NEB: variants seen among roughly 807,000 people sequenced by gnomAD.
NEB encodes the protein nebulin, also known as nemaline myopathy type 2.
In NEB, 512 loss-of-function variants were observed where a neutral mutation model predicts 952.2. The observed-to-expected ratio is 0.54, with a 90% confidence interval of 0.50 to 0.58. The LOEUF (loss-of-function observed/expected upper bound fraction) is 0.58. NEB is among the 20% of genes least tolerant of loss of function. NEB has a pLI of 0.00. For synonymous variants in NEB, 2,900 were observed against 3,149.8 expected, an observed-to-expected ratio of 0.92 and a Z score of 2.66; for missense variants, 8,428 against 9,231.1, an observed-to-expected ratio of 0.91 and a Z score of 3.56.
chr2:151,611,102 T>C (rs560873675), intron 78 of NEB, among the ~76,000 whole-genome samples: 2 of 152,310 alleles, frequency 1.3e-5, no homozygotes, highest in South Asian at 4.1e-4. Context: ...AATATAATGG[T>C]TGCTATTAGT....
rs2099216842 is a variant in NEB at position 151,666,376 on chromosome 2, T to A, written c.4745A>T (p.Lys1582Ile). ...SDCKYKEAYE[K>I]AKGKQVGFLS... ...AAATCCAACTTGCTTGCCTTTGGCT[T>A]TCTCGTAGGCCTCCTTATATTTGCA... is the stretch of plus-strand genomic sequence containing the variant. Residue 1582 changes from lysine to isoleucine, a missense_variant, in exon 41 of 182, where the codon AAA becomes ATA. Around this residue, in one of 11 missense-constraint regions of NEB, gnomAD observed 2,851 missense variants for 2,791.5 expected, o/e 1.02. Coordinates refer to ENST00000397345, the MANE Select transcript of NEB (RefSeq NM_001164508.2). The A allele has an allele frequency of 6.2e-7, 1 of 1,613,676 alleles. No individual in the cohort carries two copies. Among genetic ancestry groups the A allele is most frequent in the African/African-American group, 1.3e-5 (1 of 74,918 alleles).
At chr2:151,517,467 G>A (rs986553066) in intron 156 of NEB, among the ~76,000 whole-genome samples, 1 of 152,214 alleles carries the variant, frequency 6.6e-6, no homozygotes, top group Non-Finnish European at 1.5e-5. Context: ...TGTGATATAG[G>A]AGGTCATGTG....
At chr2:151,682,589 C>T in intron 29 of NEB, 73 bp downstream of exon 29, 2 of 1,204,796 alleles carry the variant, frequency 1.7e-6, no homozygotes, top group Non-Finnish European at 2.4e-6. Context: ...AATGAAGGAG[C>T]ACTGCCCATG....
chr2:151,688,178 G>T lies in NEB; in HGVS notation c.2415+114C>A. The T allele has an allele frequency of 1.1e-5, 9 of 834,950 alleles. No individual in the cohort carries two copies. In the South Asian group the frequency reaches 1.7e-4, roughly 16 times the overall value. The allele number at this position is 834,950 out of a possible 1,614,324, so 51.7% of individuals were successfully genotyped here. ...TGGCCTTAAAAGCTCCACTTACAAA[G>T]TAACCATCTTAAAGTTGTTTATTTG... On this transcript the variant is annotated intron_variant, in intron 25 of 181. Coordinates refer to ENST00000397345, the MANE Select transcript of NEB (RefSeq NM_001164508.2).
rs2086545410 is a variant in NEB, at chr2:151,527,020, A to G, written c.21843T>C (p.Phe7281=). 2 of 1,584,232 alleles carry G rather than the reference A, an allele frequency of 1.3e-6. No homozygotes were observed. Among genetic ancestry groups the G allele is most frequent in the East Asian group, 4.5e-5 (2 of 44,132 alleles). The change falls in exon 148 of 182, where the codon TTT becomes TTC. Residue 7281 remains phenylalanine (F), a splice_region_variant and synonymous_variant. Coordinates refer to ENST00000397345, the MANE Select transcript of NEB (RefSeq NM_001164508.2). ...GGAACTCCCGGTCCAGCTTATATTC[A>G]AACTGTGATAGAAGAAAGGCAGAAG... ...AAKSSLQQSD[F]EYKLDREFLK...
At chr2:151,687,020 G>A (rs1204145139) in intron 27 of NEB, among the ~76,000 whole-genome samples, 6 of 151,974 alleles carry the variant, frequency 3.9e-5, no homozygotes, top group Non-Finnish European at 7.4e-5. Context: ...AATGAAGAAC[G>A]ATACTCTATT....
At chr2:151,509,916 T>C (rs2072729016) in intron 161 of NEB, among the ~76,000 whole-genome samples, 1 of 152,200 alleles carries the variant, frequency 6.6e-6, no homozygotes, top group Non-Finnish European at 1.5e-5. Context: ...CCAAGAGTTT[T>C]TATTTCTGTA....
Position 151,490,480 on chromosome 2 carries a change from C to A in NEB, c.25189G>T (p.Ala8397Ser). 1 of 1,609,078 alleles carries A rather than the reference C, an allele frequency of 6.2e-7. No homozygotes were observed. Among genetic ancestry groups the A allele is most frequent in the Non-Finnish European group, 8.5e-7 (1 of 1,177,796 alleles). The change falls in exon 180 of 182, where the codon GCC (alanine) becomes TCC (serine). Residue 8397 changes from alanine (A) to serine (S), a missense_variant. This residue lies in a region of NEB where 3,374 missense variants were observed against 3,651.5 expected (regional missense o/e 0.92). Transcript: ENST00000397345. ...QRRSREQSRS[A>S]SALSISGGEE... ...CCCCCACTGATGCTTAGTGCACTGG[C>A]AGATCGTGACTGCTCCCGGCTCCGG...
rs1559689542 is a variant in NEB, at chr2:151,727,896, T to C, written c.89A>G (p.Lys30Arg). Reference sequence around the variant, plus strand: ...CCTTGTTGTCGTAGTCTCATAAATTTTTGTTATTGTCTGAAAATTTGATAT... The same window carrying C: ...CCTTGTTGTCGTAGTCTCATAAATTCTTGTTATTGTCTGAAAATTTGATAT... Reference protein sequence around the residue: ...YEEVPGETITKIYETTTTRTS... With the variant: ...YEEVPGETITRIYETTTTRTS... Residue 30 changes from lysine to arginine, a missense_variant, in exon 5 of 182, where the codon AAA becomes AGA. Transcript: ENST00000397345. 6.2e-7 allele frequency: 1 copy of C among 1,612,852 alleles called. No individual in the cohort carries two copies. The highest frequency in any genetic ancestry group is 8.5e-7 in the Non-Finnish European group (1 of 1,179,468).
At chr2:151,617,244 C>G (rs551276462) in intron 75 of NEB, 120 bp downstream of exon 75, 1 of 601,170 alleles carries the variant, frequency 1.7e-6, no homozygotes, top group Non-Finnish European at 2.8e-6. Context: ...ACTATCTCTT[C>G]TACTGAAAAT....
At chr2:151,635,707 C>CAAAAAA (rs1292764660) in intron 64 of NEB, among the ~76,000 whole-genome samples, 60 of 86,006 alleles carry the variant, frequency 7.0e-4, no homozygotes, top group African/African-American at 2.2e-3. Flanking sequence ...ACTCTGTCTC[C>CAAAAAA]AAAAAAAAAA....
chr2:151,489,851 G>C lies in NEB; in HGVS notation c.25404+120C>G, dbSNP rs929234690. ...CATTAATATGAAACATGTAATAAAA[G>C]AGCATTATATAAAATAGAAGGTTTG... On this transcript the variant is annotated intron_variant, in intron 181 of 181. Transcript: ENST00000397345. The C allele has an allele frequency of 5.1e-6, 3 of 592,354 alleles. No individual in the cohort carries two copies. In the African/African-American group the frequency reaches 5.7e-5, roughly 11 times the overall value. 36.7% of individuals were successfully genotyped at this position (592,354 alleles called of 1,614,324 possible). A position where few individuals can be genotyped will look rare whatever the true frequency, so the allele number is the denominator to read the frequency against.
intron 107 of NEB, among the ~76,000 whole-genome samples, chr2:151,570,965 A>G (rs1212561391): frequency 6.6e-6 from 1 of 152,160 alleles, no homozygotes; most frequent in Admixed American, 6.5e-5. Flanking sequence ...CCACCACCTC[A>G]AGCATTTATC....
At chr2:151,656,131 C>T in intron 49 of NEB, 22 bp downstream of exon 49, 1 of 1,574,920 alleles carries the variant, frequency 6.3e-7, no homozygotes, top group Non-Finnish European at 8.6e-7. Flanking sequence ...CCAACCATCA[C>T]CCAAGTAGAA....
Position 151,563,873 on chromosome 2 carries a change from G to A in NEB, c.18529C>T (p.Arg6177Cys), listed in dbSNP as rs765644258. The change falls in exon 118 of 182, where the codon CGC becomes TGC. Residue 6177 changes from arginine to cysteine, a missense_variant. Arg to Cys is a radical substitution (Grantham distance 180). Transcript: ENST00000397345. ...TTGGCTCCAACAATGGGAATGTAGC[G>A]CTCATCCAGGGTGTAGCCATAGGCC... ...TKAYGYTLDE[R>C]YIPIVGAKHA... 92 of 1,612,786 alleles carry A rather than the reference G, an allele frequency of 5.7e-5. No individual in the cohort carries two copies. Among genetic ancestry groups the A allele is most frequent in the East Asian group, 3.4e-4 (15 of 44,758 alleles).
In NEB at chr2:151,643,330, C is replaced by T; in HGVS notation, c.7980G>A (p.Gln2660=). 1 of 1,613,740 alleles carries T rather than the reference C, an allele frequency of 6.2e-7. No individual in the cohort carries two copies. The highest frequency in any genetic ancestry group is 8.5e-7 in the Non-Finnish European group (1 of 1,179,756). ...QSDNLYKSDL[Q]WLKGIGWMTS... ...TCATCCAGCCAATGCCTTTTAGCCA[C>T]TGAAGGTCTGACTTGTACAAATTCT... The change falls in exon 58 of 182, where the codon CAG becomes CAA. Residue 2660 remains glutamine (Q), a synonymous_variant. Transcript: ENST00000397345.
In NEB at chr2:151,617,432, T is replaced by C; in HGVS notation, c.11113A>G (p.Thr3705Ala). The C allele has an allele frequency of 3.2e-6, 5 of 1,560,098 alleles. No homozygotes were observed. Among genetic ancestry groups the C allele is most frequent in the Non-Finnish European group, 4.3e-6 (5 of 1,151,474 alleles). Residue 3705 changes from threonine (T) to alanine (A), a missense_variant, in exon 75 of 182, where the codon ACT (threonine) becomes GCT (alanine). Thr to Ala is a moderately conservative substitution (Grantham distance 58). Transcript: ENST00000397345. Reference protein sequence around the residue: ...YTEAWDNDKKTIHVMPDTPEI... With the variant: ...YTEAWDNDKKAIHVMPDTPEI... ...GGTGTATCAGGCATGACATGAATAG[T>C]TTTCTTGTCATTGTCCCAGGCTTCA...
chr2:151,550,682 G>A (rs1385241175), intron 129 of NEB, among the ~76,000 whole-genome samples: 1 of 152,138 alleles, frequency 6.6e-6, no homozygotes, highest in Non-Finnish European at 1.5e-5. Flanking sequence ...GTGTCACCCA[G>A]ACTGTAGTGC....
intron 133 of NEB, 126 bp downstream of exon 133, chr2:151,547,303 T>G (rs942841031): frequency 2.8e-6 from 2 of 706,964 alleles, no homozygotes; most frequent in Non-Finnish European, 4.8e-6. Flanking sequence ...TACCTCCAAC[T>G]TGTACTCTTT....
Sources: gnomAD v4.1 joint callset for allele counts (sites outside exome capture counted in the v4.1 genomes callset) on GRCh38, gnomAD v4.1.1 for gene constraint, gnomAD v4.1.1 regional missense constraint, MANE v1.5 for transcripts, NCBI Gene and HGNC (gene_info 2026-07-23, HGNC 2026-07-21) for gene names.